Variants in PDE4D observed in about 807,000 individuals in gnomAD.
The protein encoded by PDE4D is 3',5'-cyclic-AMP phosphodiesterase 4D.
PDE4D carries 24 observed loss-of-function variants against 87.4 expected under a neutral mutation model. The ratio of observed to expected loss-of-function variants is 0.27; its 90% CI spans 0.20 to 0.39. The LOEUF (loss-of-function observed/expected upper bound fraction) is 0.39. PDE4D is among the 10% of genes least tolerant of loss of function. PDE4D has a pLI of 1.00. For synonymous variants in PDE4D, 384 were observed against 383.2 expected (o/e 1.00, Z -0.02); for missense variants, 714 against 1,041.0 (o/e 0.69, Z 4.32).
intron 1 of PDE4D, among the ~76,000 whole-genome samples, chr5:59,872,262 T>TACAC (rs71606610): frequency 0.052 from 6,807 of 131,716 alleles, 179 homozygotes; most frequent in African/African-American, 0.065. Flanking sequence ...ACAGAAGAGT[T>TACAC]ACACACACAC....
intron 4 of PDE4D, among the ~76,000 whole-genome samples, chr5:59,183,284 C>CT (rs1742096067): frequency 6.6e-6 from 1 of 152,158 alleles, no homozygotes; most frequent in African/African-American, 2.4e-5. Context: ...GGTTAGATGT[C>CT]ACCCTGGGCA....
chr5:59,682,323 T>G (rs1048919772), intron 1 of PDE4D, among the ~76,000 whole-genome samples: 13 of 152,148 alleles, frequency 8.5e-5, no homozygotes, highest in African/African-American at 3.1e-4. Flanking sequence ...TTGAACTAAA[T>G]GATCAAAGCT....
At chr5:60,265,045 T>C (rs1312346406) in intron 1 of PDE4D, among the ~76,000 whole-genome samples, 1 of 152,146 alleles carries the variant, frequency 6.6e-6, no homozygotes, top group Non-Finnish European at 1.5e-5. Flanking sequence ...GAAATATAGT[T>C]ATACATGCTA....
chr5:59,783,255 C>G (rs1764804945), intron 1 of PDE4D, among the ~76,000 whole-genome samples: 1 of 152,166 alleles, frequency 6.6e-6, no homozygotes, highest in South Asian at 2.1e-4. Context: ...CCACACCACC[C>G]CAGACCAGAT....
chr5:59,637,222 G>T (rs916652808), intron 1 of PDE4D, among the ~76,000 whole-genome samples: 1 of 152,014 alleles, frequency 6.6e-6, no homozygotes, highest in Non-Finnish European at 1.5e-5. Flanking sequence ...TTAGAATGAC[G>T]ATCATTAAAA....
intron 6 of PDE4D, among the ~76,000 whole-genome samples, chr5:59,011,028 A>G (rs1752683749): frequency 6.6e-6 from 1 of 152,180 alleles, no homozygotes; most frequent in Admixed American, 6.5e-5. Context: ...CCAGGCAAAC[A>G]GGGTCTGGAG....
rs116117829 is a variant in PDE4D at position 59,593,177 on chromosome 5, A to G, written c.455+299991T>C. On this transcript the variant is annotated intron_variant, in intron 1 of 14. Coordinates refer to ENST00000340635, the MANE Select transcript of PDE4D (RefSeq NM_001104631.2). ...GGAATTACATTTCATTTATATCTTAAGCTTTTCTAAAGGCTTTGTATAATA... is the reference window on the plus strand; with the variant it reads ...GGAATTACATTTCATTTATATCTTAGGCTTTTCTAAAGGCTTTGTATAATA... Among the ~76,000 whole-genome samples, 534 of 152,218 alleles carry G rather than the reference A, an allele frequency of 3.5e-3. 3 individuals are homozygous for G. Among genetic ancestry groups the G allele is most frequent in the African/African-American group, 0.012 (498 of 41,564 alleles).
chr5:59,781,655 G>A (rs111669793), intron 1 of PDE4D, among the ~76,000 whole-genome samples: 26,447 of 151,384 alleles, frequency 0.17, 3,032 homozygotes, highest in South Asian at 0.26. Flanking sequence ...GCATGGTGGC[G>A]GGCAACTGTA....
chr5:60,258,218 A>G (rs995788550), intron 1 of PDE4D, among the ~76,000 whole-genome samples: 7 of 151,982 alleles, frequency 4.6e-5, no homozygotes, highest in African/African-American at 1.7e-4. Flanking sequence ...GGCATCAGCA[A>G]TGCAGTGGTG....
chr5:60,504,939 T>C (rs1050669895), intron 1 of PDE4D, among the ~76,000 whole-genome samples: 2 of 152,202 alleles, frequency 1.3e-5, no homozygotes, highest in African/African-American at 4.8e-5. Context: ...GCCTCATCTG[T>C]CTGCATGTAG....
chr5:60,005,066 CAAAT>C (rs1366111795), intron 2 of PDE4D, among the ~76,000 whole-genome samples: 2 of 151,914 alleles, frequency 1.3e-5, no homozygotes, highest in African/African-American at 4.8e-5. Context: ...TGTCCATTGA[CAAAT>C]GAATTAATAG....
chr5:59,158,368 G>C (rs1016503494), intron 5 of PDE4D, among the ~76,000 whole-genome samples: 8 of 152,132 alleles, frequency 5.3e-5, no homozygotes, highest in Non-Finnish European at 1.2e-4. Flanking sequence ...TTATACAATC[G>C]AGTCCCTGAA....
At chr5:59,914,812 G>A (rs1263489784) in intron 3 of PDE4D, among the ~76,000 whole-genome samples, 1 of 147,452 alleles carries the variant, frequency 6.8e-6, no homozygotes, top group Non-Finnish European at 1.5e-5. Flanking sequence ...CGTGGAAGAA[G>A]TAGGTAGGAG....
chr5:59,947,464 C>G (rs1379437415), intron 3 of PDE4D, among the ~76,000 whole-genome samples: 1 of 152,130 alleles, frequency 6.6e-6, no homozygotes, highest in African/African-American at 2.4e-5. Flanking sequence ...GTAAGTCTTA[C>G]ATTTTGTGAG....
At chr5:59,458,739 C>T (rs898425807) in intron 1 of PDE4D, among the ~76,000 whole-genome samples, 4 of 152,282 alleles carry the variant, frequency 2.6e-5, no homozygotes, top group African/African-American at 7.2e-5. Context: ...AAAATGACAA[C>T]GCATAAAAAT....
intron 1 of PDE4D, among the ~76,000 whole-genome samples, chr5:59,427,598 C>T (rs1321094411): frequency 6.6e-6 from 1 of 151,904 alleles, no homozygotes; most frequent in African/African-American, 2.4e-5. Flanking sequence ...CTTTGGGAGG[C>T]CAAGGCAGGA....
chr5:59,966,973 C>A (rs1242368627), intron 3 of PDE4D, among the ~76,000 whole-genome samples: 2 of 152,140 alleles, frequency 1.3e-5, no homozygotes, highest in Non-Finnish European at 2.9e-5. Flanking sequence ...AATCAGAAAC[C>A]ATTTAGCCCC....
intron 1 of PDE4D, among the ~76,000 whole-genome samples, chr5:59,683,339 GT>G (rs1303098260): frequency 6.6e-6 from 1 of 152,154 alleles, no homozygotes; most frequent in Non-Finnish European, 1.5e-5. Flanking sequence ...GGAATTCCTT[GT>G]GCTATTCTTG....
chr5:60,117,150 T>C (rs913484790), intron 2 of PDE4D, among the ~76,000 whole-genome samples: 3 of 152,098 alleles, frequency 2.0e-5, no homozygotes, highest in African/African-American at 7.2e-5. Flanking sequence ...TTTCAGTTAA[T>C]GTTGTATTTT....
Sources: allele counts gnomAD v4.1 joint callset (sites outside exome capture counted in the v4.1 genomes callset), GRCh38; gene constraint gnomAD v4.1.1; transcripts MANE v1.5; gene names NCBI Gene and HGNC (gene_info 2026-07-23, HGNC 2026-07-21).